SPINT2: variants seen among roughly 807,000 people sequenced by gnomAD.
SPINT2 encodes serine peptidase inhibitor, Kunitz type 2, also known as kunitz-type protease inhibitor 2.
In SPINT2, 18 loss-of-function variants were observed where a neutral mutation model predicts 30.1. The observed-to-expected ratio is 0.60, with a 90% confidence interval of 0.41 to 0.89. The LOEUF (loss-of-function observed/expected upper bound fraction) is 0.89, where lower values mean the gene tolerates loss of function less well. SPINT2 is among the 40% of genes least tolerant of loss of function. The probability of loss-of-function intolerance (pLI) is 0.00; values close to 1 mark genes in which losing one functional copy is unlikely to be tolerated. For synonymous variants in SPINT2, 139 were observed against 137.9 expected (o/e 1.01, Z -0.05); for missense variants, 276 against 334.3 (o/e 0.83, Z 1.36).
chr19:38,286,515 CT>C (rs2146276882), intron 2 of SPINT2, among the ~76,000 whole-genome samples: 1 of 152,324 alleles, frequency 6.6e-6, no homozygotes, highest in African/African-American at 2.4e-5. Context: ...GGTGCGGCGG[CT>C]CACGCCTGTA....
chr19:38,273,321 T>C (rs76607087), intron 1 of SPINT2, among the ~76,000 whole-genome samples: 1,753 of 152,320 alleles, frequency 0.012, 41 homozygotes, highest in African/African-American at 0.041. Flanking sequence ...ATAGATCATC[T>C]TAAAATAAGG....
chr19:38,266,607 C>T (rs1968382143), intron 1 of SPINT2, among the ~76,000 whole-genome samples: 3 of 151,450 alleles, frequency 2.0e-5, no homozygotes, highest in South Asian at 2.1e-4. Flanking sequence ...AGCCCAGAGG[C>T]GGAGGCTGTA....
chr19:38,277,662 A>G (rs529233688), intron 1 of SPINT2, among the ~76,000 whole-genome samples: 1 of 152,352 alleles, frequency 6.6e-6, no homozygotes, highest in South Asian at 2.1e-4. Flanking sequence ...TAGTGACTTC[A>G]GAACCAGAGA....
At chr19:38,265,316 C>T in intron 1 of SPINT2, 1 of 214,356 alleles carries the variant, frequency 4.7e-6, no homozygotes, top group Non-Finnish European at 9.5e-6. Context: ...AATTGAAGAC[C>T]AGCCTTCTCC....
In SPINT2 at chr19:38,290,653, T is replaced by C; in HGVS notation, c.592+78T>C. On this transcript the variant is annotated intron_variant, in intron 6 of 6. Transcript: ENST00000301244. This position sits in a 1 kb window ranked among gnomAD's most constrained non-coding sequence, Gnocchi z 4.3. ...GACTGAGCTCAGCCCTGCCCAGCTGTGGTTTACATTATCCTTCACTGTGAA... is the reference window on the plus strand; with the variant it reads ...GACTGAGCTCAGCCCTGCCCAGCTGCGGTTTACATTATCCTTCACTGTGAA... 1 of 1,533,886 alleles carries C rather than the reference T, an allele frequency of 6.5e-7. No individual in the cohort carries two copies. Among genetic ancestry groups the C allele is most frequent in the Non-Finnish European group, 8.9e-7 (1 of 1,124,464 alleles).
At chr19:38,283,003 T>C (rs1017728768) in intron 1 of SPINT2, among the ~76,000 whole-genome samples, 5 of 125,948 alleles carry the variant, frequency 4.0e-5, no homozygotes, top group African/African-American at 1.4e-4. Flanking sequence ...GGTTTTGTTT[T>C]GTTTTTTTTT....
At chr19:38,273,679 G>A (rs1326361968) in intron 1 of SPINT2, among the ~76,000 whole-genome samples, 1 of 152,170 alleles carries the variant, frequency 6.6e-6, no homozygotes, top group Non-Finnish European at 1.5e-5. Context: ...TCCTGATCTT[G>A]TAGCCATGCA....
intron 1 of SPINT2, among the ~76,000 whole-genome samples, chr19:38,273,859 T>C (rs1216036651): frequency 6.6e-6 from 1 of 152,200 alleles, no homozygotes; most frequent in Non-Finnish European, 1.5e-5. Flanking sequence ...TCATTCTCTT[T>C]ATTCTGACTG....
chr19:38,285,194 A>C (rs1672034116), intron 2 of SPINT2, among the ~76,000 whole-genome samples: 1 of 152,070 alleles, frequency 6.6e-6, no homozygotes. Flanking sequence ...GTTTAAATTA[A>C]AACCTAAACC....
chr19:38,288,523 G>A (rs1234247240), intron 3 of SPINT2: 7 of 201,892 alleles, frequency 3.5e-5, no homozygotes, highest in Non-Finnish European at 7.2e-5. Flanking sequence ...CTACCAGGTA[G>A]CAAATGCACC....
chr19:38,288,522 A>G (rs1278734440), intron 3 of SPINT2: 1 of 201,684 alleles, frequency 5.0e-6, no homozygotes, highest in Non-Finnish European at 1.0e-5. Flanking sequence ...ACTACCAGGT[A>G]GCAAATGCAC....
chr19:38,276,156 C>T lies in SPINT2; in HGVS notation c.107-7471C>T, dbSNP rs552727235. On this transcript the variant is annotated intron_variant, in intron 1 of 6. Transcript: ENST00000301244. Reference sequence around the variant, plus strand: ...TCAGTATTTGGCCCCTTATAGAAAACATTTGCAGACCCTTGTTCTAGAAAA... The same window carrying T: ...TCAGTATTTGGCCCCTTATAGAAAATATTTGCAGACCCTTGTTCTAGAAAA... Among the ~76,000 whole-genome samples, 3 of 152,228 alleles carry T rather than the reference C, an allele frequency of 2.0e-5. No homozygotes were observed. In the East Asian group the frequency reaches 5.8e-4, roughly 29 times the overall value.
In SPINT2 at chr19:38,287,931, A is replaced by T; in HGVS notation, c.333A>T (p.Pro111=). 6.2e-7 allele frequency: 1 copy of T among 1,614,112 alleles called. No homozygotes were observed. Among genetic ancestry groups the T allele is most frequent in the South Asian group, 1.1e-5 (1 of 91,086 alleles). Reference sequence around the variant, plus strand: ...GGAATGCAGCGGATTCCTCTGTCCCAAGTGGTAGGTTCTTAAAGAGACCCG... The same window carrying T: ...GGAATGCAGCGGATTCCTCTGTCCCTAGTGGTAGGTTCTTAAAGAGACCCG... ...TSRNAADSSV[P]SAPRRQDSED... Residue 111 remains proline, a synonymous_variant, in exon 3 of 7, where the codon CCA becomes CCT. Transcript: ENST00000301244.
At chr19:38,289,725 C>T (rs1395557307) in intron 4 of SPINT2, 4 of 324,030 alleles carry the variant, frequency 1.2e-5, no homozygotes, top group South Asian at 5.5e-5. Flanking sequence ...GCGTTAGAGG[C>T]GTAGCCTGGC....
At chr19:38,271,005 T>G (rs943948322) in intron 1 of SPINT2, among the ~76,000 whole-genome samples, 2 of 152,172 alleles carry the variant, frequency 1.3e-5, no homozygotes, top group African/African-American at 4.8e-5. Context: ...CATTTCATGG[T>G]TTTTTTCTGG....
intron 3 of SPINT2, 151 bp from the exon 4 acceptor site, chr19:38,288,987 G>A: frequency 1.4e-6 from 1 of 726,196 alleles, no homozygotes; most frequent in Non-Finnish European, 2.5e-6. Flanking sequence ...TAGGGCTGGG[G>A]TGACGTGGCA....
At chr19:38,271,820 G>GA (rs1968460434) in intron 1 of SPINT2, among the ~76,000 whole-genome samples, 1 of 150,368 alleles carries the variant, frequency 6.7e-6, no homozygotes, top group Admixed American at 6.6e-5. Flanking sequence ...CTCCATCTCA[G>GA]AAAAAAAAGA....
chr19:38,279,443 G>C (rs1355579212), intron 1 of SPINT2, among the ~76,000 whole-genome samples: 1 of 151,774 alleles, frequency 6.6e-6, no homozygotes, highest in African/African-American at 2.4e-5. Context: ...GTTGCAGTGA[G>C]CCGAGATCGC....
At chr19:38,269,256 C>T (rs1486425097) in intron 1 of SPINT2, among the ~76,000 whole-genome samples, 1 of 151,960 alleles carries the variant, frequency 6.6e-6, no homozygotes, top group African/African-American at 2.4e-5. Flanking sequence ...CGCCACCACG[C>T]CCGGCTAATT....
Sources: allele counts gnomAD v4.1 joint callset (sites outside exome capture counted in the v4.1 genomes callset), GRCh38; gene constraint gnomAD v4.1.1; non-coding constraint Gnocchi (gnomAD v3.1); transcripts MANE v1.5; gene names NCBI Gene and HGNC (gene_info 2026-07-23, HGNC 2026-07-21).